RSPO2: variants seen among roughly 807,000 people sequenced by gnomAD.
The protein encoded by RSPO2 is R-spondin 2.
A neutral mutation model predicts 30.9 loss-of-function variants in RSPO2; 14 were observed. The observed-to-expected ratio is 0.45, with a 90% CI of 0.30 to 0.71. RSPO2 has a LOEUF of 0.71. RSPO2 is among the 30% of genes least tolerant of loss of function. The probability of loss-of-function intolerance (pLI) is 0.08; values close to 1 mark genes in which losing one functional copy is unlikely to be tolerated. For synonymous variants in RSPO2, 107 were observed against 96.4 expected (o/e 1.11, Z -0.64); for missense variants, 264 against 301.9 (o/e 0.87, Z 0.93).
chr8:108,053,978 C>A (rs1812156592), intron 2 of RSPO2, among the ~76,000 whole-genome samples: 1 of 152,118 alleles, frequency 6.6e-6, no homozygotes. Flanking sequence ...CCCTTTGAAC[C>A]CCGAATGTAT....
chr8:107,966,426 C>T (rs1813807605), intron 3 of RSPO2, among the ~76,000 whole-genome samples: 1 of 152,142 alleles, frequency 6.6e-6, no homozygotes, highest in Non-Finnish European at 1.5e-5. Context: ...TAAATGACTA[C>T]TCTAAGCTTG....
chr8:108,077,037 G>C (rs1813036167), intron 2 of RSPO2, among the ~76,000 whole-genome samples: 1 of 152,028 alleles, frequency 6.6e-6, no homozygotes, highest in Non-Finnish European at 1.5e-5. Flanking sequence ...GGCAATGAGG[G>C]GAGTATGACT....
At chr8:108,034,688 C>A (rs1416242323) in intron 2 of RSPO2, among the ~76,000 whole-genome samples, 5 of 152,066 alleles carry the variant, frequency 3.3e-5, no homozygotes, top group Non-Finnish European at 5.9e-5. Context: ...TTACAGAGGC[C>A]CAGCCAAGAA....
intron 2 of RSPO2, among the ~76,000 whole-genome samples, chr8:108,062,715 G>A (rs1443588438): frequency 1.3e-5 from 2 of 151,726 alleles, no homozygotes; most frequent in Non-Finnish European, 2.9e-5. Flanking sequence ...TCAAAGTCTG[G>A]CAGAGACACA....
chr8:108,047,898 G>T (rs1463936824), intron 2 of RSPO2, among the ~76,000 whole-genome samples: 3 of 150,742 alleles, frequency 2.0e-5, no homozygotes, highest in African/African-American at 7.3e-5. Flanking sequence ...TGATCCTACT[G>T]TGTCTATAAT....
chr8:107,947,363 G>A (rs1212466818), intron 5 of RSPO2, among the ~76,000 whole-genome samples: 1 of 152,186 alleles, frequency 6.6e-6, no homozygotes, highest in Non-Finnish European at 1.5e-5. Context: ...AATGGCAGAT[G>A]AAAGTAGTAG....
chr8:107,990,421 C>T (rs1414449919), intron 2 of RSPO2, among the ~76,000 whole-genome samples: 1 of 152,050 alleles, frequency 6.6e-6, no homozygotes, highest in Non-Finnish European at 1.5e-5. Flanking sequence ...GCAGTCAAGC[C>T]AAGAGTCAAA....
At chr8:108,010,172 CT>C (rs1810655359) in intron 2 of RSPO2, among the ~76,000 whole-genome samples, 1 of 152,180 alleles carries the variant, frequency 6.6e-6, no homozygotes, top group Non-Finnish European at 1.5e-5. Flanking sequence ...GCTAAGTAAT[CT>C]TTCAGAGCCA....
intron 5 of RSPO2, among the ~76,000 whole-genome samples, chr8:107,943,818 C>T (rs1454773778): frequency 6.6e-6 from 1 of 152,194 alleles, no homozygotes; most frequent in African/African-American, 2.4e-5. Context: ...ATCACTCTCA[C>T]CATGTAAAAG....
intron 5 of RSPO2, among the ~76,000 whole-genome samples, chr8:107,943,797 A>C (rs1306242312): frequency 6.6e-6 from 1 of 152,232 alleles, no homozygotes; most frequent in African/African-American, 2.4e-5. Context: ...TAAATTACTC[A>C]AGTTAGCAAT....
At chr8:107,930,888 C>T (rs1228650949) in intron 5 of RSPO2, among the ~76,000 whole-genome samples, 1 of 152,052 alleles carries the variant, frequency 6.6e-6, no homozygotes, top group Non-Finnish European at 1.5e-5. Context: ...TAATATGGTT[C>T]GAATCCTTAC....
rs569425914 is a variant in RSPO2 at position 107,913,708 on chromosome 8, ACATAGTTAATTATATTTTACAAACAGCCT to A, written c.617-12547_617-12519del. On this transcript the variant is annotated intron_variant, in intron 5 of 5. Coordinates refer to ENST00000276659, the MANE Select transcript of RSPO2 (RefSeq NM_178565.5). ...AACTACCAAATATTAAAACACGAGA[ACATAGTTAATTATATTTTACAAACAGCCT>A]CATATTTAATGAAATGAGTTCATGT... Among the ~76,000 whole-genome samples the A allele has an allele frequency of 6.7e-3, 1,025 of 152,308 alleles. 11 individuals are homozygous for A. Among genetic ancestry groups the A allele is most frequent in the Non-Finnish European group, 8.0e-3 (547 of 68,014 alleles).
chr8:107,970,581 T>C (rs1447766301), intron 3 of RSPO2, among the ~76,000 whole-genome samples: 1 of 152,222 alleles, frequency 6.6e-6, no homozygotes, highest in Non-Finnish European at 1.5e-5. Context: ...CAGATAAGCA[T>C]GAGGATGCTG....
chr8:107,973,034 G>A (rs1226469296), intron 3 of RSPO2, among the ~76,000 whole-genome samples: 2 of 152,212 alleles, frequency 1.3e-5, no homozygotes, highest in African/African-American at 4.8e-5. Flanking sequence ...ACTTTGGGAG[G>A]CTGAGGCAAG....
At position 107,974,796 on chromosome 8, in the gene RSPO2, G is replaced by C. The variant is rs938668399; in HGVS notation, c.284-13979C>G. Among the ~76,000 whole-genome samples the C allele has an allele frequency of 6.6e-5, 10 of 151,788 alleles. No homozygotes were observed. The East Asian group carries it at 1.9e-3, about 29-fold the overall frequency. ...TATATAATTTTTAATTAGTTTAAAGGAACATCTACCTGACAAAGGTCATGC... is the reference window on the plus strand; with the variant it reads ...TATATAATTTTTAATTAGTTTAAAGCAACATCTACCTGACAAAGGTCATGC... On this transcript the variant is annotated intron_variant, in intron 3 of 5. Transcript: ENST00000276659.
intron 3 of RSPO2, among the ~76,000 whole-genome samples, chr8:107,979,354 A>G (rs1285142124): frequency 6.6e-6 from 1 of 152,188 alleles, no homozygotes; most frequent in African/African-American, 2.4e-5. Context: ...TGCAGCCATA[A>G]AAAAGGATGA....
intron 2 of RSPO2, among the ~76,000 whole-genome samples, chr8:107,992,554 A>C (rs960689025): frequency 2.6e-5 from 4 of 152,178 alleles, no homozygotes; most frequent in Non-Finnish European, 5.9e-5. Flanking sequence ...CGTGAACTTA[A>C]AAGTATATGT....
intron 2 of RSPO2, among the ~76,000 whole-genome samples, chr8:108,001,195 A>G (rs1254493117): frequency 6.6e-6 from 1 of 152,066 alleles, no homozygotes; most frequent in Non-Finnish European, 1.5e-5. Context: ...CCGTCTCAAA[A>G]AAAGGAAAGA....
At chr8:107,928,289 AATAC>A (rs1370944688) in intron 5 of RSPO2, among the ~76,000 whole-genome samples, 13 of 152,194 alleles carry the variant, frequency 8.5e-5, no homozygotes, top group Admixed American at 8.5e-4. Flanking sequence ...CCTTTTAAAA[AATAC>A]ATAGTTAACA....
Sources: allele counts gnomAD v4.1 joint callset (sites outside exome capture counted in the v4.1 genomes callset), GRCh38; gene constraint gnomAD v4.1.1; transcripts MANE v1.5; gene names NCBI Gene and HGNC (gene_info 2026-07-23, HGNC 2026-07-21).